The following TBCE variants were observed in gnomAD, a reference collection of about 807,000 sequenced individuals.
TBCE encodes tubulin-specific chaperone E.
Under a neutral mutation model 77.0 loss-of-function variants are expected in TBCE, and 53 were observed. The ratio of observed to expected loss-of-function variants is 0.69; its 90% CI spans 0.55 to 0.87. The LOEUF is 0.87. Ranked by LOEUF, TBCE falls within the 40% of genes least tolerant of loss-of-function variation. The pLI, the probability that TBCE is intolerant of heterozygous loss-of-function variation, is 0.00. For synonymous variants in TBCE, 235 were observed against 241.3 expected (o/e 0.97, Z 0.24); for missense variants, 624 against 622.4 (o/e 1.00, Z -0.03).
chr1:235,368,724 ATT>A (rs750475367), intron 1 of TBCE, among the ~76,000 whole-genome samples: 3 of 142,602 alleles, frequency 2.1e-5, no homozygotes, highest in African/African-American at 5.1e-5. Context: ...TGCCCAGCTA[ATT>A]TTTTTTTTTT....
chr1:235,436,148 A>G, intron 9 of TBCE: 2 of 603,676 alleles, frequency 3.3e-6, no homozygotes, highest in Non-Finnish European at 2.9e-6. Context: ...TCTGAGACGC[A>G]TTTAGCACCT....
chr1:235,440,513 C>T (rs1198099752), intron 13 of TBCE, among the ~76,000 whole-genome samples: 2 of 152,186 alleles, frequency 1.3e-5, no homozygotes, highest in Non-Finnish European at 2.9e-5. Flanking sequence ...CTGCTTCAGC[C>T]TCCTGAGAAG....
chr1:235,419,036 G>A (rs1449623709), intron 4 of TBCE: 11 of 267,432 alleles, frequency 4.1e-5, no homozygotes, highest in South Asian at 8.1e-5. Flanking sequence ...GTGAAACCCC[G>A]TCTCTACTAA....
intron 5 of TBCE, among the ~76,000 whole-genome samples, chr1:235,424,448 CT>C (rs1313457304): frequency 6.6e-6 from 1 of 151,538 alleles, no homozygotes; most frequent in Admixed American, 6.6e-5. Context: ...CCTCAGCCCC[CT>C]GAGTAGCTGG....
chr1:235,379,172 C>T (rs1384657941), intron 1 of TBCE, among the ~76,000 whole-genome samples: 1 of 151,972 alleles, frequency 6.6e-6, no homozygotes, highest in Non-Finnish European at 1.5e-5. Context: ...CTAGCTGATA[C>T]CCTTTCATTC....
chr1:235,426,631 A>G (rs1272200210), intron 5 of TBCE, among the ~76,000 whole-genome samples: 2 of 152,166 alleles, frequency 1.3e-5, no homozygotes, highest in African/African-American at 4.8e-5. Context: ...TTTTGAGTAT[A>G]TAACAATGAA....
chr1:235,424,502 G>GTT (rs1031236846), intron 5 of TBCE, among the ~76,000 whole-genome samples: 2 of 137,944 alleles, frequency 1.4e-5, no homozygotes, highest in Non-Finnish European at 3.2e-5. Flanking sequence ...TTTTGTTTTT[G>GTT]TTTTTTTTTT....
chr1:235,431,612 C>A (rs963974398), intron 7 of TBCE, among the ~76,000 whole-genome samples: 2 of 151,940 alleles, frequency 1.3e-5, no homozygotes, highest in Non-Finnish European at 2.9e-5. Flanking sequence ...TTGCCCGCCT[C>A]GGCCTCCCAA....
At chr1:235,371,488 AC>A (rs1676951213) in intron 1 of TBCE, among the ~76,000 whole-genome samples, 1 of 136,680 alleles carries the variant, frequency 7.3e-6, no homozygotes. Flanking sequence ...TGATTCTCCC[AC>A]CTCAGCCTCT....
rs1283690367 is a variant in TBCE at position 235,427,237 on chromosome 1, C to T, written c.558C>T (p.Val186=). ...TCAGACACCTGGAAGTCCTTAATGTCAGGTATGAACTCTTGGTTGCTGAAT... is the reference window on the plus strand; with the variant it reads ...TCAGACACCTGGAAGTCCTTAATGTTAGGTATGAACTCTTGGTTGCTGAAT... ...DQLRHLEVLN[V]SENKLKFPSG... Residue 186 remains valine, a splice_region_variant and synonymous_variant, in exon 6 of 17, where the codon GTC becomes GTT. Transcript: ENST00000642610. 1.2e-6 allele frequency: 2 copies of T among 1,602,642 alleles called. No homozygotes were observed. The highest frequency in any genetic ancestry group is 1.7e-6 in the Non-Finnish European group (2 of 1,169,870).
intron 3 of TBCE, among the ~76,000 whole-genome samples, chr1:235,410,574 C>T (rs1299062500): frequency 1.3e-5 from 2 of 152,096 alleles, no homozygotes; most frequent in Non-Finnish European, 2.9e-5. Flanking sequence ...TATCTTGTAC[C>T]GACCTCCTAG....
At chr1:235,448,239 A>AAAAAGAC (rs1410453341) in intron 15 of TBCE, 110 bp from the exon 16 acceptor site, 4 of 843,126 alleles carry the variant, frequency 4.7e-6, no homozygotes, top group South Asian at 3.0e-5. Flanking sequence ...AAAAAAAAAA[A>AAAAAGAC]AGACAGATAC....
intron 3 of TBCE, among the ~76,000 whole-genome samples, chr1:235,413,002 C>T (rs1679900284): frequency 6.6e-6 from 1 of 151,946 alleles, no homozygotes. Flanking sequence ...GGGGTTTCTT[C>T]ATGTTGGTCA....
At position 235,401,664 on chromosome 1, in the gene TBCE, G is replaced by C. The variant is rs1342721292; in HGVS notation, c.185+77G>C. ...TACTTGAATAAGGAGGGATGGAGAG[G>C]AAGAAATGTTTGGCTCATGGAGTAG... On this transcript the variant is annotated intron_variant, in intron 3 of 16. Transcript: ENST00000642610. 4 of 1,285,282 alleles carry C rather than the reference G, an allele frequency of 3.1e-6. No homozygotes were observed. The East Asian group carries it at 9.6e-5, about 31-fold the overall frequency. 79.6% of individuals were successfully genotyped at this position (1,285,282 alleles called of 1,614,324 possible).
intron 6 of TBCE, chr1:235,429,014 G>A (rs1680935613): frequency 7.9e-6 from 1 of 127,278 alleles, no homozygotes; most frequent in African/African-American, 3.4e-5. Context: ...TTGAGACAGA[G>A]TCTCACTCTT....
chr1:235,381,948 A>G (rs1677686552), intron 2 of TBCE, among the ~76,000 whole-genome samples: 1 of 129,482 alleles, frequency 7.7e-6, no homozygotes, highest in African/African-American at 2.9e-5. Context: ...ATATCTCCTA[A>G]TGCTATCCCT....
intron 2 of TBCE, among the ~76,000 whole-genome samples, chr1:235,394,349 C>T (rs918849376): frequency 6.6e-6 from 1 of 150,590 alleles, no homozygotes; most frequent in Non-Finnish European, 1.5e-5. Flanking sequence ...GCTGGGATTA[C>T]AGGCGTGAGC....
chr1:235,413,064 A>G (rs2102880334), intron 3 of TBCE, among the ~76,000 whole-genome samples: 1 of 152,232 alleles, frequency 6.6e-6, no homozygotes, highest in Middle Eastern at 3.4e-3. Context: ...CAGCCTCCCA[A>G]AGTGCTGGGA....
intron 2 of TBCE, among the ~76,000 whole-genome samples, chr1:235,387,964 C>T (rs572874926): frequency 8.5e-5 from 13 of 152,318 alleles, no homozygotes; most frequent in African/African-American, 2.9e-4. Context: ...AGCCATTGAA[C>T]AAGATACATG....
Sources: allele counts gnomAD v4.1 joint callset (sites outside exome capture counted in the v4.1 genomes callset), GRCh38; gene constraint gnomAD v4.1.1; transcripts MANE v1.5; gene names NCBI Gene and HGNC (gene_info 2026-07-23, HGNC 2026-07-21).